WDR59: variants seen among roughly 807,000 people sequenced by gnomAD.
The protein encoded by WDR59 is WD repeat domain 59.
WDR59 carries 100 observed loss-of-function variants against 131.2 expected under a neutral mutation model. That is an observed-to-expected ratio of 0.76 (90% CI 0.65 to 0.90). The LOEUF (loss-of-function observed/expected upper bound fraction) is 0.90, where lower values mean the gene tolerates loss of function less well. WDR59 is among the 40% of genes least tolerant of loss of function. The probability of loss-of-function intolerance (pLI) is 0.00; values close to 1 mark genes in which losing one functional copy is unlikely to be tolerated. For synonymous variants in WDR59, 601 were observed against 466.2 expected, an observed-to-expected ratio of 1.29 and a Z score of -3.72; for missense variants, 1,203 against 1,262.2, an observed-to-expected ratio of 0.95 and a Z score of 0.71.
intron 25 of WDR59, among the ~76,000 whole-genome samples, chr16:74,878,723 A>C (rs2144757156): frequency 6.6e-6 from 1 of 152,328 alleles, no homozygotes; most frequent in South Asian, 2.1e-4. Flanking sequence ...AACCTTACAA[A>C]CATTTTACGG....
intron 20 of WDR59, among the ~76,000 whole-genome samples, chr16:74,891,733 G>C (rs948190959): frequency 6.6e-6 from 1 of 152,202 alleles, no homozygotes; most frequent in African/African-American, 2.4e-5. Context: ...GACTAGCCTG[G>C]CCAACATGGT....
chr16:74,887,005 C>G (rs1483502025), intron 23 of WDR59, among the ~76,000 whole-genome samples: 2 of 152,138 alleles, frequency 1.3e-5, no homozygotes. Flanking sequence ...TTTACGAGGA[C>G]TTTTTGAACA....
chr16:74,970,857 A>G (rs1461112713), intron 1 of WDR59, among the ~76,000 whole-genome samples: 1 of 151,886 alleles, frequency 6.6e-6, no homozygotes, highest in Non-Finnish European at 1.5e-5. Flanking sequence ...GTTCGAGACC[A>G]GCCTGGACAA....
intron 1 of WDR59, among the ~76,000 whole-genome samples, chr16:74,967,226 G>A (rs2033810208): frequency 6.6e-6 from 1 of 152,186 alleles, no homozygotes; most frequent in Non-Finnish European, 1.5e-5. Context: ...AGGCTGCAAA[G>A]TGATTAACAT....
chr16:74,962,912 C>T (rs2033618353), intron 2 of WDR59: 1 of 151,592 alleles, frequency 6.6e-6, no homozygotes, highest in South Asian at 2.1e-4. Flanking sequence ...ACCATTTGAC[C>T]CAGCAATCCC....
chr16:74,899,549 C>T (rs1309587129), intron 18 of WDR59: 2 of 498,920 alleles, frequency 4.0e-6, no homozygotes, highest in African/African-American at 2.0e-5. Flanking sequence ...TGTCTGAACT[C>T]CCCCAAGCAA....
intron 11 of WDR59, among the ~76,000 whole-genome samples, chr16:74,917,353 A>T (rs1966440791): frequency 6.6e-6 from 1 of 152,192 alleles, no homozygotes; most frequent in Non-Finnish European, 1.5e-5. Context: ...CAGGGCACAT[A>T]CTCAGGGAGC....
At chr16:74,971,426 C>CTTTTT (rs58120924) in intron 1 of WDR59, among the ~76,000 whole-genome samples, 261 of 90,132 alleles carry the variant, frequency 2.9e-3, no homozygotes, top group Non-Finnish European at 3.5e-3. Context: ...TCTTTCCTTC[C>CTTTTT]TTTTTTTTTT....
chr16:74,969,632 T>A (rs1044679289), intron 1 of WDR59, among the ~76,000 whole-genome samples: 1 of 151,972 alleles, frequency 6.6e-6, no homozygotes, highest in Non-Finnish European at 1.5e-5. Context: ...TGGAGTGCAA[T>A]GGCTTTAGCT....
chr16:74,954,722 T>C (rs1373763100), intron 3 of WDR59, among the ~76,000 whole-genome samples: 1 of 152,228 alleles, frequency 6.6e-6, no homozygotes, highest in Admixed American at 6.5e-5. Context: ...GCCAGTCAAA[T>C]GTCCTCTGAT....
At chr16:74,982,008 C>T in intron 1 of WDR59, among the ~76,000 whole-genome samples, 1 of 139,728 alleles carries the variant, frequency 7.2e-6, no homozygotes, top group Non-Finnish European at 1.6e-5. Context: ...GTAATCCCAG[C>T]ACTTTGGGAA....
intron 3 of WDR59, among the ~76,000 whole-genome samples, chr16:74,952,620 A>G (rs1312062117): frequency 6.6e-6 from 1 of 151,888 alleles, no homozygotes; most frequent in East Asian, 1.9e-4. Flanking sequence ...CAATAGAAAA[A>G]TAACTTCCAT....
chr16:74,874,549 T>TGCTAGAGTCTTA, intron 25 of WDR59, 105 bp from the exon 26 acceptor site: 1 of 848,072 alleles, frequency 1.2e-6, no homozygotes, highest in Non-Finnish European at 1.9e-6. Context: ...CTCAAGACTC[T>TGCTAGAGTCTTA]AGCAGATTCT....
chr16:74,926,163 G>A (rs1056011173), intron 8 of WDR59, among the ~76,000 whole-genome samples: 3 of 150,646 alleles, frequency 2.0e-5, no homozygotes, highest in Admixed American at 6.7e-5. Context: ...AGGTTCAAGC[G>A]ATTCTCCTGC....
chr16:74,950,827 G>A (rs56076527), intron 4 of WDR59, among the ~76,000 whole-genome samples: 6,938 of 152,074 alleles, frequency 0.046, 219 homozygotes, highest in Non-Finnish European at 0.066. Flanking sequence ...TGAACTGGGG[G>A]ATTCTGCTGC....
chr16:74,891,507 T>C (rs1045246422), intron 20 of WDR59, among the ~76,000 whole-genome samples: 1 of 152,250 alleles, frequency 6.6e-6, no homozygotes, highest in African/African-American at 2.4e-5. Context: ...GCTGACAATT[T>C]AGACGTGTTA....
intron 4 of WDR59, chr16:74,950,023 G>C (rs2032902322): frequency 1.8e-6 from 1 of 558,542 alleles, no homozygotes. Flanking sequence ...TCCCAGAAAA[G>C]AAATGGAGTG....
At chr16:74,923,315 C>T (rs1004219754) in intron 9 of WDR59, among the ~76,000 whole-genome samples, 5 of 152,086 alleles carry the variant, frequency 3.3e-5, no homozygotes, top group African/African-American at 9.7e-5. Flanking sequence ...GTTCCTTCCA[C>T]CACAATTCAC....
chr16:74,923,703 G>A (rs1187098123), intron 9 of WDR59, among the ~76,000 whole-genome samples: 2 of 152,062 alleles, frequency 1.3e-5, no homozygotes, highest in African/African-American at 2.4e-5. Context: ...TCGAACTCCT[G>A]ACCTCAGGGG....
Sources: gnomAD v4.1 joint callset for allele counts (sites outside exome capture counted in the v4.1 genomes callset) on GRCh38, gnomAD v4.1.1 for gene constraint, MANE v1.5 for transcripts, NCBI Gene and HGNC (gene_info 2026-07-23, HGNC 2026-07-21) for gene names.